Variants in PIK3C2G observed in about 807,000 individuals in gnomAD.
PIK3C2G encodes phosphatidylinositol 3-kinase C2 domain-containing subunit gamma.
Under a neutral mutation model 181.1 loss-of-function variants are expected in PIK3C2G, and 168 were observed. The ratio of observed to expected loss-of-function variants is 0.93; its 90% CI spans 0.82 to 1.05. PIK3C2G has a LOEUF of 1.05. Among genes scored for constraint, PIK3C2G ranks in the 50% least tolerant of loss-of-function variants. The pLI is 0.00. For missense variants in PIK3C2G, 1,869 were observed against 1,732.8 expected, an observed-to-expected ratio of 1.08 and a Z score of -1.40; for synonymous variants, 573 against 592.2, an observed-to-expected ratio of 0.97 and a Z score of 0.47.
chr12:18,594,805 T>C (rs892402469), intron 30 of PIK3C2G, among the ~76,000 whole-genome samples: 3 of 152,058 alleles, frequency 2.0e-5, no homozygotes, highest in African/African-American at 7.2e-5. Context: ...GTTGACTCTA[T>C]TTTGTCACTA....
At chr12:18,704,041 A>C in the PIK3C2G span, among the ~76,000 whole-genome samples, 2 of 152,218 alleles carry the variant, frequency 1.3e-5, no homozygotes, top group South Asian at 2.1e-4. Context: ...GGCCCAGCAA[A>C]GGAAACTAAG....
chr12:18,490,181 T>C (rs4764407), intron 19 of PIK3C2G, among the ~76,000 whole-genome samples: 99,077 of 151,888 alleles, frequency 0.65, 32,836 homozygotes, highest in East Asian at 0.93. Context: ...GCCAGGCAAA[T>C]CCAAGTATAG....
chr12:18,256,768 A>G (rs1948149795), upstream of PIK3C2G, among the ~76,000 whole-genome samples: 2 of 152,156 alleles, frequency 1.3e-5, no homozygotes, highest in African/African-American at 2.4e-5. Context: ...AGCCTGCAAT[A>G]TCTGTGTTCT....
chr12:18,459,477 A>G (rs969219114), intron 18 of PIK3C2G, among the ~76,000 whole-genome samples: 4 of 152,232 alleles, frequency 2.6e-5, no homozygotes, highest in African/African-American at 9.6e-5. Context: ...TTCATGGGAA[A>G]GGGTGAAAGA....
chr12:18,515,817 A>G (rs1942500021), intron 24 of PIK3C2G, among the ~76,000 whole-genome samples: 1 of 151,724 alleles, frequency 6.6e-6, no homozygotes, highest in Non-Finnish European at 1.5e-5. Flanking sequence ...TTTTTTAAAT[A>G]TCTTTCTATT....
At position 18,282,210 on chromosome 12, in the gene PIK3C2G, A is replaced by G. The variant is rs772055269; in HGVS notation, c.129A>G (p.Ile43Met). Residue 43 changes from isoleucine to methionine, a missense_variant, in exon 2 of 33, where the codon ATA (isoleucine) becomes ATG (methionine). Physicochemically the swap from Ile to Met is conservative, Grantham distance 10. Coordinates refer to ENST00000538779, the MANE Select transcript of PIK3C2G (RefSeq NM_001288772.2). ...SSQVSLGFDQ[I>M]VDEISGKIPH... ...AAGTCAGTCTGGGTTTTGATCAGAT[A>G]GTAGATGAGATCAGTGGCAAAATTC... 17 of 1,613,532 alleles carry G rather than the reference A, an allele frequency of 1.1e-5. No individual in the cohort carries two copies. Among genetic ancestry groups the G allele is most frequent in the Non-Finnish European group, 1.4e-5 (16 of 1,179,644 alleles).
At chr12:18,264,280 C>T (rs1423895262) in intron 1 of PIK3C2G, among the ~76,000 whole-genome samples, 1 of 152,034 alleles carries the variant, frequency 6.6e-6, no homozygotes, top group Non-Finnish European at 1.5e-5. Flanking sequence ...ATTTTGCTTT[C>T]CAGATTAGAA....
At chr12:18,696,811 A>G in the PIK3C2G span, among the ~76,000 whole-genome samples, 4 of 152,146 alleles carry the variant, frequency 2.6e-5, no homozygotes, top group Admixed American at 2.6e-4. Flanking sequence ...TCACTCCAGC[A>G]TCTTCCCCCA....
intron 24 of PIK3C2G, among the ~76,000 whole-genome samples, chr12:18,509,130 A>G (rs1942043783): frequency 6.6e-6 from 1 of 151,946 alleles, no homozygotes; most frequent in African/African-American, 2.4e-5. Context: ...CAGCTCACTG[A>G]AATCTCCACC....
intron 11 of PIK3C2G, among the ~76,000 whole-genome samples, chr12:18,361,671 G>A (rs898156152): frequency 1.3e-5 from 2 of 152,108 alleles, no homozygotes; most frequent in Admixed American, 1.3e-4. Context: ...GTCTTGTGGA[G>A]CTCATGTTTT....
At chr12:18,351,034 T>C (rs1370086092) in intron 11 of PIK3C2G, among the ~76,000 whole-genome samples, 1 of 152,172 alleles carries the variant, frequency 6.6e-6, no homozygotes, top group Admixed American at 6.5e-5. Flanking sequence ...CAAGCACATA[T>C]AGAATATTTA....
intron 26 of PIK3C2G, among the ~76,000 whole-genome samples, chr12:18,557,342 A>C (rs1945065305): frequency 6.6e-6 from 1 of 152,120 alleles, no homozygotes; most frequent in South Asian, 2.1e-4. Context: ...AATAACAAGA[A>C]TTTAGTAAAA....
intron 1 of PIK3C2G, among the ~76,000 whole-genome samples, chr12:18,277,728 C>A (rs1949043561): frequency 1.3e-5 from 2 of 151,974 alleles, no homozygotes; most frequent in Admixed American, 6.6e-5. Flanking sequence ...TGTTCCTATT[C>A]TGAACACTGG....
At chr12:18,540,243 C>A (rs1399921531) in intron 25 of PIK3C2G, among the ~76,000 whole-genome samples, 1 of 151,594 alleles carries the variant, frequency 6.6e-6, no homozygotes, top group Non-Finnish European at 1.5e-5. Context: ...CATAAAAGAC[C>A]GAGGTATCCA....
chr12:18,618,592 G>A (rs1268647109), intron 31 of PIK3C2G, among the ~76,000 whole-genome samples: 1 of 151,840 alleles, frequency 6.6e-6, no homozygotes, highest in Non-Finnish European at 1.5e-5. Flanking sequence ...TAATACCCAG[G>A]AAAATACGAA....
chr12:18,542,766 T>A (rs1193912290), intron 25 of PIK3C2G, among the ~76,000 whole-genome samples: 4 of 151,980 alleles, frequency 2.6e-5, no homozygotes, highest in Non-Finnish European at 4.4e-5. Flanking sequence ...TTCATAGTAT[T>A]CTATGGTGTA....
intron 31 of PIK3C2G, among the ~76,000 whole-genome samples, chr12:18,621,072 T>C (rs1000515815): frequency 6.6e-6 from 1 of 152,070 alleles, no homozygotes; most frequent in African/African-American, 2.4e-5. Flanking sequence ...ATCTGTTTTG[T>C]ATAGTTTCTC....
At chr12:18,346,024 G>C (rs1592015691) in intron 10 of PIK3C2G, among the ~76,000 whole-genome samples, 1 of 152,056 alleles carries the variant, frequency 6.6e-6, no homozygotes, top group East Asian at 1.9e-4. Flanking sequence ...TCACTTTTAG[G>C]AATAACCAGT....
chr12:18,641,332 T>C (rs910452263), intron 32 of PIK3C2G, among the ~76,000 whole-genome samples: 3 of 152,152 alleles, frequency 2.0e-5, no homozygotes, highest in African/African-American at 7.2e-5. Flanking sequence ...CTGACCTTTA[T>C]TGATAGTACT....
Sources: allele counts gnomAD v4.1 joint callset (sites outside exome capture counted in the v4.1 genomes callset), GRCh38; gene constraint gnomAD v4.1.1; transcripts MANE v1.5; gene names NCBI Gene and HGNC (gene_info 2026-07-23, HGNC 2026-07-21).